PTRH1: variants seen among roughly 807,000 people sequenced by gnomAD.
The protein encoded by PTRH1 is peptidyl-tRNA hydrolase 1 homolog, also known as peptidyl-tRNA hydrolase.
In PTRH1, 13 loss-of-function variants were observed where a neutral mutation model predicts 15.7. The observed-to-expected ratio is 0.83, with a 90% CI of 0.54 to 1.31. The LOEUF (loss-of-function observed/expected upper bound fraction) is 1.31. Ranked by LOEUF, PTRH1 falls within the 40% of genes most tolerant of loss-of-function variation. The pLI, the probability that PTRH1 is intolerant of heterozygous loss-of-function variation, is 0.00. For missense variants in PTRH1, 319 were observed against 296.2 expected (o/e 1.08, Z -0.56); for synonymous variants, 139 against 136.7 (o/e 1.02, Z -0.12).
chr9:127,706,941 A>G, intron 1 of PTRH1: 3 of 1,480,536 alleles, frequency 2.0e-6, no homozygotes, highest in Non-Finnish European at 2.7e-6. Context: ...GCCCAGCCTC[A>G]CTCCCTCGGC....
chr9:127,706,938 C>G (rs1842655481), intron 1 of PTRH1: 2 of 1,475,032 alleles, frequency 1.4e-6, no homozygotes, highest in Admixed American at 3.9e-5. Context: ...TAAGCCCAGC[C>G]TCACTCCCTC....
intron 1 of PTRH1, among the ~76,000 whole-genome samples, chr9:127,704,436 G>A (rs1179591238): frequency 1.3e-5 from 2 of 150,448 alleles, no homozygotes; most frequent in Non-Finnish European, 3.0e-5. Flanking sequence ...TTGAACCCAG[G>A]AGGCAGAGGT....
chr9:127,701,995 G>T (rs762335264), intron 1 of PTRH1, among the ~76,000 whole-genome samples: 33 of 152,088 alleles, frequency 2.2e-4, no homozygotes, highest in Non-Finnish European at 4.4e-4. Flanking sequence ...GCCGAAGCAG[G>T]AGGATCACTG....
At chr9:127,701,221 G>C (rs902185284) in intron 1 of PTRH1, among the ~76,000 whole-genome samples, 8 of 152,128 alleles carry the variant, frequency 5.3e-5, no homozygotes, top group African/African-American at 1.9e-4. Flanking sequence ...CACCTTGCAG[G>C]CTGTAAACTC....
chr9:127,714,498 G>A, intron 3 of PTRH1, 74 bp from the exon 4 acceptor site: 1 of 1,603,286 alleles, frequency 6.2e-7, no homozygotes, highest in Non-Finnish European at 8.5e-7. Context: ...GCCCCGGCTG[G>A]GTCAGAGCAG....
At chr9:127,697,943 T>C (rs1365513768) in intron 1 of PTRH1, among the ~76,000 whole-genome samples, 1 of 152,170 alleles carries the variant, frequency 6.6e-6, no homozygotes, top group East Asian at 1.9e-4. Flanking sequence ...AGGTAAACTG[T>C]TCTACTTCAA....
At chr9:127,700,338 C>T (rs544132638) in intron 1 of PTRH1, among the ~76,000 whole-genome samples, 21 of 152,306 alleles carry the variant, frequency 1.4e-4, no homozygotes, top group Middle Eastern at 6.8e-3. Context: ...ATCTCCTTCT[C>T]CAAGCCTAGC....
chr9:127,694,302 A>T (rs565661479), intron 2 of PTRH1, among the ~76,000 whole-genome samples: 33 of 152,276 alleles, frequency 2.2e-4, no homozygotes, highest in African/African-American at 7.7e-4. Flanking sequence ...TGGAATTTTT[A>T]AAATTCTAAA....
rs1564372149 is a variant in PTRH1, at chr9:127,715,641, C to A, written c.-2G>T. The A allele has an allele frequency of 7.4e-6, 12 of 1,611,184 alleles. No homozygotes were observed. The highest frequency in any genetic ancestry group is 1.0e-5 in the Non-Finnish European group (12 of 1,179,754). On this transcript the variant is annotated 5_prime_UTR_variant, in exon 1 of 5. Coordinates refer to ENST00000543175, the MANE Select transcript of PTRH1 (RefSeq NM_001002913.3). This position sits in a 1 kb window ranked among gnomAD's most constrained non-coding sequence, Gnocchi z 5.8. ...GCCCAAAAAGCCGCCCGGCCTCATG[C>A]TGCCCCCATTCACTCCGACACCGCC...
chr9:127,714,197 G>C lies in PTRH1; in HGVS notation c.548C>G (p.Ala183Gly), dbSNP rs1307753759. ...QAHVLGCFSP[A>G]EQELLPLLLD... ...CAACAGAGGCAGCAGCTCCTGCTCA[G>C]CAGGGGAGAAGCAGCCCAGCACATG... The change falls in exon 5 of 5, where the codon GCT becomes GGT. Residue 183 changes from alanine (A) to glycine (G), a missense_variant. Coordinates refer to ENST00000543175, the MANE Select transcript of PTRH1 (RefSeq NM_001002913.3). 2 of 1,613,946 alleles carry C rather than the reference G, an allele frequency of 1.2e-6. No homozygotes were observed. The highest frequency in any genetic ancestry group is 1.7e-6 in the Non-Finnish European group (2 of 1,180,006).
chr9:127,705,457 T>C lies in PTRH1; in HGVS notation c.205+9978A>G, dbSNP rs1842637194. ...AGTTCAGCTCGTCCCTCTTGCCACG[T>C]GGTGCTGACAAAGCCATCCTGGTGC... On this transcript the variant is annotated intron_variant, in intron 1 of 2. Coordinates refer to the PTRH1 transcript ENST00000335223. The surrounding 1 kb of genome is among the most constrained non-coding windows in gnomAD (Gnocchi z 4.7). Among the ~76,000 whole-genome samples, 1 of 152,190 alleles carries C rather than the reference T, an allele frequency of 6.6e-6. No individual in the cohort carries two copies. The highest frequency in any genetic ancestry group is 2.1e-4 in the South Asian group (1 of 4,828).
rs557520001 is a variant in PTRH1 at position 127,713,908 on chromosome 9, C to T, written c.*192G>A. On this transcript the variant is annotated 3_prime_UTR_variant, in exon 5 of 5. Coordinates refer to ENST00000543175, the MANE Select transcript of PTRH1 (RefSeq NM_001002913.3). ...AAGTTCCCCTACGTCCCAAGTAGGA[C>T]ACAGAGAGAAGAACCTACTCCAGAA... 30 of 1,612,592 alleles carry T rather than the reference C, an allele frequency of 1.9e-5. No individual in the cohort carries two copies. The highest frequency in any genetic ancestry group is 1.2e-4 in the Admixed American group (7 of 60,016).
intron 1 of PTRH1, among the ~76,000 whole-genome samples, chr9:127,698,153 G>A (rs1200848662): frequency 6.6e-6 from 1 of 152,164 alleles, no homozygotes; most frequent in Non-Finnish European, 1.5e-5. Context: ...CTAACTACTT[G>A]GGAGGCTCAG....
At chr9:127,711,914 G>T (rs201849501), downstream of PTRH1, 3 of 1,604,982 alleles carry the variant, frequency 1.9e-6, no homozygotes, top group Non-Finnish European at 2.5e-6. Flanking sequence ...TTGGAGCAGA[G>T]ATCCCTGCAG....
chr9:127,712,765 G>A (rs573445451), downstream of PTRH1: 4 of 1,614,188 alleles, frequency 2.5e-6, no homozygotes, highest in East Asian at 8.9e-5. Flanking sequence ...CATGGCACAA[G>A]GAGATGCTGC....
chr9:127,714,961 C>G lies in PTRH1; in HGVS notation c.316+14G>C. On this transcript the variant is annotated intron_variant, in intron 2 of 4. Coordinates refer to ENST00000543175, the MANE Select transcript of PTRH1 (RefSeq NM_001002913.3). ...CCTTGGCCCGCCCGCCCACCCCTGG[C>G]GCTCTCAACTCACCAGCCCGGGCCA... 2 of 1,310,808 alleles carry G rather than the reference C, an allele frequency of 1.5e-6. No homozygotes were observed. Among genetic ancestry groups the G allele is most frequent in the Non-Finnish European group, 1.0e-6 (1 of 988,038 alleles). 81.2% of individuals were successfully genotyped at this position (1,310,808 alleles called of 1,614,324 possible).
At chr9:127,713,200 C>T (rs2131593830), downstream of PTRH1, 1 of 1,530,326 alleles carries the variant, frequency 6.5e-7, no homozygotes, top group Non-Finnish European at 8.8e-7. Context: ...CACACAGCAG[C>T]CCTGAGGTGA....
chr9:127,706,896 C>A, intron 1 of PTRH1: 1 of 1,030,706 alleles, frequency 9.7e-7, no homozygotes, highest in Non-Finnish European at 1.4e-6. Context: ...GACCTGGTAC[C>A]GGCACCCAGC....
chr9:127,695,422 T>C (rs1218658005), intron 1 of PTRH1: 1 of 392,092 alleles, frequency 2.6e-6, no homozygotes, highest in African/African-American at 2.1e-5. Flanking sequence ...TCCTGGAGGC[T>C]ACATGGGTAA....
Sources: gnomAD v4.1 joint callset for allele counts (sites outside exome capture counted in the v4.1 genomes callset) on GRCh38, gnomAD v4.1.1 for gene constraint, Gnocchi (gnomAD v3.1) non-coding constraint, MANE v1.5 for transcripts, NCBI Gene and HGNC (gene_info 2026-07-23, HGNC 2026-07-21) for gene names.